FRMD4A: variants seen among roughly 807,000 people sequenced by gnomAD.
FRMD4A encodes the protein FERM domain-containing protein 4A.
A neutral mutation model predicts 129.1 loss-of-function variants in FRMD4A; 29 were observed. The observed-to-expected ratio is 0.22, with a 90% CI of 0.17 to 0.31. The LOEUF is 0.31. Ranked by LOEUF, FRMD4A falls within the 10% of genes least tolerant of loss-of-function variation. The pLI is 1.00. For missense variants in FRMD4A, 1,272 were observed against 1,375.8 expected (o/e 0.92, Z 1.19); for synonymous variants, 634 against 571.6 (o/e 1.11, Z -1.56).
intron 2 of FRMD4A, among the ~76,000 whole-genome samples, chr10:13,950,787 G>A (rs79888946): frequency 0.012 from 1,878 of 152,212 alleles, 39 homozygotes; most frequent in African/African-American, 0.043. Context: ...TTCCTCATTT[G>A]GGTTTCAGCT....
At chr10:13,818,833 A>C (rs1236330202) in intron 3 of FRMD4A, among the ~76,000 whole-genome samples, 3 of 152,212 alleles carry the variant, frequency 2.0e-5, no homozygotes, top group Admixed American at 6.5e-5. Context: ...TATTTAAAAA[A>C]TTCCATGTAT....
intron 4 of FRMD4A, among the ~76,000 whole-genome samples, chr10:13,804,714 CTTT>C (rs35111872): frequency 5.5e-5 from 7 of 127,730 alleles, no homozygotes; most frequent in Non-Finnish European, 8.1e-5. Context: ...CCAGCTAATT[CTTT>C]TTTTTTTTTT....
intron 2 of FRMD4A, among the ~76,000 whole-genome samples, chr10:14,174,534 G>GTTCATTCA (rs3033997): frequency 0.17 from 25,683 of 150,388 alleles, 2,515 homozygotes; most frequent in African/African-American, 0.26. Flanking sequence ...GCGTTTGTTC[G>GTTCATTCA]TTCATTCATT....
chr10:14,241,683 TAAAAAAAA>T (rs71388168), intron 2 of FRMD4A, among the ~76,000 whole-genome samples: 913 of 23,264 alleles, frequency 0.039, 6 homozygotes, highest in Middle Eastern at 0.071. Flanking sequence ...TTACCCTCCC[TAAAAAAAA>T]AAAAAAAAAA....
chr10:13,785,777 C>A (rs1341147196), intron 5 of FRMD4A, among the ~76,000 whole-genome samples: 1 of 151,850 alleles, frequency 6.6e-6, no homozygotes, highest in African/African-American at 2.4e-5. Context: ...CCCCTACCCC[C>A]CACCCCACGA....
intron 14 of FRMD4A, among the ~76,000 whole-genome samples, chr10:13,695,043 C>T (rs931814151): frequency 6.6e-6 from 1 of 152,082 alleles, no homozygotes; most frequent in African/African-American, 2.4e-5. Flanking sequence ...CTTTAATCCA[C>T]GTTGACTGGC....
In FRMD4A at chr10:14,321,353, A is replaced by C. The variant is rs140175118; in HGVS notation, c.45+8705T>G. On this transcript the variant is annotated intron_variant, in intron 2 of 24. Coordinates refer to ENST00000357447, the MANE Select transcript of FRMD4A (RefSeq NM_018027.5). ...GAATTATATATATGAATGAATATAT[A>C]TATAATTCATATATGTATATATGAA... 8.4e-3 allele frequency among the ~76,000 whole-genome samples: 1,240 copies of C among 147,850 alleles called. 23 individuals carry two copies. The highest frequency in any genetic ancestry group is 0.061 in the East Asian group (312 of 5,092).
chr10:13,789,217 C>G (rs1347764568), intron 5 of FRMD4A, among the ~76,000 whole-genome samples: 1 of 152,078 alleles, frequency 6.6e-6, no homozygotes, highest in African/African-American at 2.4e-5. Flanking sequence ...TTAGCAGGAA[C>G]CTCATTTTAG....
intron 2 of FRMD4A, among the ~76,000 whole-genome samples, chr10:14,280,982 A>ATTTTTTTTT (rs772555677): frequency 1.3e-5 from 1 of 76,524 alleles, no homozygotes; most frequent in African/African-American, 5.4e-5. Context: ...ACTGGTTTCA[A>ATTTTTTTTT]TTTTTTTTTT....
intron 2 of FRMD4A, among the ~76,000 whole-genome samples, chr10:14,298,224 C>G (rs1005900860): frequency 6.6e-6 from 1 of 152,118 alleles, no homozygotes; most frequent in Non-Finnish European, 1.5e-5. Flanking sequence ...TCAAAAACTC[C>G]CAAGATCCAG....
chr10:13,660,632 A>G (rs551520496), intron 19 of FRMD4A, 79 bp from the exon 20 acceptor site: 143 of 841,822 alleles, frequency 1.7e-4, no homozygotes, highest in Admixed American at 3.4e-4. Context: ...ACACCCCTCC[A>G]CCCGCACCTT....
At position 14,267,536 on chromosome 10, in the gene FRMD4A, C is replaced by G. The variant is rs567494757; in HGVS notation, c.45+62522G>C. ...TTACTCATACACCATTTGGCAGTAG[C>G]CTTTCTGGTTGGAATATCTATTTTT... On this transcript the variant is annotated intron_variant, in intron 2 of 24. Coordinates refer to ENST00000357447, the MANE Select transcript of FRMD4A (RefSeq NM_018027.5). Among the ~76,000 whole-genome samples the G allele has an allele frequency of 2.7e-3, 416 of 152,214 alleles. 2 individuals are homozygous for G. The highest frequency in any genetic ancestry group is 8.9e-3 in the African/African-American group (368 of 41,524).
intron 2 of FRMD4A, among the ~76,000 whole-genome samples, chr10:13,951,315 G>A (rs1301255505): frequency 6.6e-6 from 1 of 152,130 alleles, no homozygotes; most frequent in African/African-American, 2.4e-5. Context: ...TGGCTAGTAG[G>A]GAAGGAAGGA....
chr10:14,324,729 C>T (rs1843198854), intron 2 of FRMD4A, among the ~76,000 whole-genome samples: 2 of 152,194 alleles, frequency 1.3e-5, no homozygotes, highest in Non-Finnish European at 2.9e-5. Context: ...GCGCCGATCT[C>T]GGCTCACGGC....
At chr10:13,689,155 T>C (rs2085391575) in intron 15 of FRMD4A, among the ~76,000 whole-genome samples, 1 of 139,942 alleles carries the variant, frequency 7.1e-6, no homozygotes, top group South Asian at 2.4e-4. Flanking sequence ...AGAAACATTT[T>C]ACGTCTTTTT....
intron 2 of FRMD4A, among the ~76,000 whole-genome samples, chr10:13,987,279 G>A (rs1005129369): frequency 3.3e-5 from 5 of 152,060 alleles, no homozygotes; most frequent in African/African-American, 1.2e-4. Flanking sequence ...GTTAATAAAC[G>A]ATCCTTCCCC....
intron 2 of FRMD4A, among the ~76,000 whole-genome samples, chr10:14,062,664 A>T (rs1834868864): frequency 6.6e-6 from 1 of 152,234 alleles, no homozygotes; most frequent in South Asian, 2.1e-4. Flanking sequence ...GCTGCAAGTT[A>T]CAGAATTCCC....
At chr10:13,917,068 A>G (rs2095017208) in intron 2 of FRMD4A, among the ~76,000 whole-genome samples, 1 of 152,192 alleles carries the variant, frequency 6.6e-6, no homozygotes. Flanking sequence ...TCAATATAGC[A>G]GGGATGACAT....
At chr10:14,038,761 G>A (rs566063374) in intron 2 of FRMD4A, among the ~76,000 whole-genome samples, 1 of 152,164 alleles carries the variant, frequency 6.6e-6, no homozygotes, top group African/African-American at 2.4e-5. Context: ...AAGGTTCCCC[G>A]GTGACTTTAG....
Sources: gnomAD v4.1 joint callset for allele counts (sites outside exome capture counted in the v4.1 genomes callset) on GRCh38, gnomAD v4.1.1 for gene constraint, MANE v1.5 for transcripts, NCBI Gene and HGNC (gene_info 2026-07-23, HGNC 2026-07-21) for gene names.